Variants in KIF5C observed in about 807,000 individuals in gnomAD.
The protein encoded by KIF5C is kinesin heavy chain isoform 5C.
KIF5C carries 18 observed loss-of-function variants against 125.2 expected under a neutral mutation model. That is an observed-to-expected ratio of 0.14 (90% confidence interval 0.10 to 0.21). The LOEUF (loss-of-function observed/expected upper bound fraction) is 0.21. Among genes scored for constraint, KIF5C ranks in the 10% least tolerant of loss-of-function variants. KIF5C has a pLI of 1.00. For missense variants in KIF5C, 780 were observed against 1,183.8 expected (o/e 0.66, Z 5.01); for synonymous variants, 405 against 434.0 (o/e 0.93, Z 0.83).
Position 148,907,457 on chromosome 2 carries a change from A to G in KIF5C, c.127-14680A>G, listed in dbSNP as rs1303515596. 3.9e-5 allele frequency among the ~76,000 whole-genome samples: 6 copies of G among 152,278 alleles called. No individual in the cohort carries two copies. The East Asian group carries it at 1.2e-3, about 29-fold the overall frequency. On this transcript the variant is annotated intron_variant, in intron 1 of 25. Coordinates refer to ENST00000435030, the MANE Select transcript of KIF5C (RefSeq NM_004522.3). Reference sequence around the variant, plus strand: ...GCATGACCAGCTGCAAGCTTTGTGCATTAACCCAGGAGGCTGAAGTCTCTT... The same window carrying G: ...GCATGACCAGCTGCAAGCTTTGTGCGTTAACCCAGGAGGCTGAAGTCTCTT...
chr2:148,887,306 G>A (rs973710708), intron 1 of KIF5C, among the ~76,000 whole-genome samples: 25 of 151,788 alleles, frequency 1.6e-4, no homozygotes, highest in African/African-American at 6.1e-4. Context: ...TCACATTTGT[G>A]GTTGGCATTG....
chr2:148,889,119 G>C (rs2105044273), intron 1 of KIF5C, among the ~76,000 whole-genome samples: 1 of 152,232 alleles, frequency 6.6e-6, no homozygotes, highest in Non-Finnish European at 1.5e-5. Flanking sequence ...ATTTTAATTT[G>C]ATCCTATGAA....
At chr2:148,981,821 A>G (rs769088141) in intron 14 of KIF5C, among the ~76,000 whole-genome samples, 2 of 152,208 alleles carry the variant, frequency 1.3e-5, no homozygotes, top group Non-Finnish European at 2.9e-5. Context: ...GGGAATAGTC[A>G]AAAGAGTGCA....
intron 10 of KIF5C, among the ~76,000 whole-genome samples, chr2:148,958,243 T>C (rs1682845122): frequency 6.6e-6 from 1 of 152,202 alleles, no homozygotes; most frequent in Non-Finnish European, 1.5e-5. Flanking sequence ...ATATTCTACT[T>C]TAGTAGATAC....
rs180973935 is a variant in KIF5C at position 149,009,755 on chromosome 2, C to T, written c.2551-380C>T. Among the ~76,000 whole-genome samples the T allele has an allele frequency of 2.0e-4, 31 of 152,284 alleles. No individual in the cohort carries two copies. The South Asian group carries it at 2.7e-3, about 13-fold the overall frequency. On this transcript the variant is annotated intron_variant, in intron 23 of 25. Coordinates refer to ENST00000435030, the MANE Select transcript of KIF5C (RefSeq NM_004522.3). ...TTGTTTTTCACTGAGTCCTTTCAAA[C>T]CGACTTTAAGTGTTTCAGCTTTCTC... is the stretch of plus-strand genomic sequence containing the variant.
At chr2:148,917,289 C>G (rs182992241) in intron 1 of KIF5C, among the ~76,000 whole-genome samples, 22 of 152,286 alleles carry the variant, frequency 1.4e-4, no homozygotes, top group African/African-American at 4.6e-4. Context: ...ACCTCATAAT[C>G]ACTTTGCTTC....
At chr2:148,927,230 A>C (rs896504686) in intron 2 of KIF5C, among the ~76,000 whole-genome samples, 3 of 151,980 alleles carry the variant, frequency 2.0e-5, no homozygotes, top group Non-Finnish European at 4.4e-5. Context: ...CGTGGATGAG[A>C]CCCGGGAGGC....
chr2:149,003,732 A>T (rs1250510444), intron 21 of KIF5C, among the ~76,000 whole-genome samples: 1 of 152,232 alleles, frequency 6.6e-6, no homozygotes, highest in Non-Finnish European at 1.5e-5. Context: ...CAAACTGTTT[A>T]TTGTTGAATC....
chr2:148,904,632 GT>G (rs1447529009), intron 1 of KIF5C, among the ~76,000 whole-genome samples: 1 of 152,122 alleles, frequency 6.6e-6, no homozygotes, highest in Non-Finnish European at 1.5e-5. Flanking sequence ...TTTGGTACTA[GT>G]TTTGACATTT....
Position 148,890,944 on chromosome 2 carries a change from T to C in KIF5C, c.126+15201T>C, listed in dbSNP as rs73966625. Among the ~76,000 whole-genome samples the C allele has an allele frequency of 9.2e-3, 1,401 of 152,330 alleles. 17 individuals are homozygous for C. The highest frequency in any genetic ancestry group is 0.032 in the African/African-American group (1,337 of 41,562). On this transcript the variant is annotated intron_variant, in intron 1 of 25. Transcript: ENST00000435030. Reference sequence around the variant, plus strand: ...ATTGTTCTGGCTACTGGTTATCATATATATTATATATATAGATCACCAGAT... The same window carrying C: ...ATTGTTCTGGCTACTGGTTATCATACATATTATATATATAGATCACCAGAT...
At chr2:149,010,833 A>G (rs1295351111) in intron 24 of KIF5C, among the ~76,000 whole-genome samples, 6 of 152,216 alleles carry the variant, frequency 3.9e-5, no homozygotes, top group Admixed American at 1.3e-4. Flanking sequence ...GGGTGTGGCT[A>G]CAGGCTGGCA....
chr2:148,913,985 A>G (rs1418817450), intron 1 of KIF5C, among the ~76,000 whole-genome samples: 1 of 152,190 alleles, frequency 6.6e-6, no homozygotes, highest in African/African-American at 2.4e-5. Context: ...TCCTGTTTAC[A>G]GCTTACCTTC....
intron 10 of KIF5C, among the ~76,000 whole-genome samples, chr2:148,959,388 T>C (rs1331297934): frequency 6.6e-6 from 1 of 152,180 alleles, no homozygotes; most frequent in African/African-American, 2.4e-5. Flanking sequence ...AATTTCAGAA[T>C]CAGCTTGCCA....
At chr2:148,941,389 T>C (rs1430333555) in intron 4 of KIF5C, among the ~76,000 whole-genome samples, 1 of 152,132 alleles carries the variant, frequency 6.6e-6, no homozygotes, top group African/African-American at 2.4e-5. Flanking sequence ...AAGGGAGCTG[T>C]GATGTGTGTA....
chr2:148,882,026 A>C (rs957061874), intron 1 of KIF5C, among the ~76,000 whole-genome samples: 9 of 152,182 alleles, frequency 5.9e-5, no homozygotes, highest in Admixed American at 5.9e-4. Context: ...AGCTCTCCCC[A>C]TAACCCATTT....
intron 1 of KIF5C, among the ~76,000 whole-genome samples, chr2:148,902,097 G>C (rs73007583): frequency 6.6e-6 from 1 of 151,984 alleles, no homozygotes; most frequent in Non-Finnish European, 1.5e-5. Context: ...AACAGTCAGC[G>C]TTGGTCCATA....
At chr2:148,934,334 TCA>T (rs1682244856) in intron 3 of KIF5C, among the ~76,000 whole-genome samples, 1 of 148,662 alleles carries the variant, frequency 6.7e-6, no homozygotes. Flanking sequence ...GATGTACACA[TCA>T]CACACATCCA....
At chr2:148,999,236 T>G (rs1681773671) in intron 19 of KIF5C, among the ~76,000 whole-genome samples, 1 of 152,202 alleles carries the variant, frequency 6.6e-6, no homozygotes, top group Non-Finnish European at 1.5e-5. Context: ...ATTGAAATGC[T>G]GACCTCCCCA....
intron 23 of KIF5C, 71 bp from the exon 24 acceptor site, chr2:149,010,063 CT>C (rs1266074603): frequency 6.1e-6 from 9 of 1,473,408 alleles, no homozygotes; most frequent in Middle Eastern, 1.8e-4. Flanking sequence ...GCAGGGGCTG[CT>C]TCTGGCTGCT....
Sources: gnomAD v4.1 joint callset for allele counts (sites outside exome capture counted in the v4.1 genomes callset) on GRCh38, gnomAD v4.1.1 for gene constraint, MANE v1.5 for transcripts, NCBI Gene and HGNC (gene_info 2026-07-23, HGNC 2026-07-21) for gene names.